The following ZNRF3 variants were observed in gnomAD, a reference collection of about 807,000 sequenced individuals.
ZNRF3 encodes E3 ubiquitin-protein ligase ZNRF3.
In ZNRF3, 23 loss-of-function variants were observed where a neutral mutation model predicts 72.5. The observed-to-expected ratio is 0.32, with a 90% confidence interval of 0.23 to 0.45. The LOEUF (loss-of-function observed/expected upper bound fraction) is 0.45, where lower values mean the gene tolerates loss of function less well. Ranked by LOEUF, ZNRF3 falls within the 20% of genes least tolerant of loss-of-function variation. The pLI is 1.00. For missense variants in ZNRF3, 1,169 were observed against 1,272.1 expected (o/e 0.92, Z 1.23); for synonymous variants, 610 against 545.3 (o/e 1.12, Z -1.65).
At chr22:28,890,981 T>C (rs2033876224) in intron 1 of ZNRF3, among the ~76,000 whole-genome samples, 1 of 152,178 alleles carries the variant, frequency 6.6e-6, no homozygotes, top group South Asian at 2.1e-4. Flanking sequence ...GGTCTTGCAC[T>C]CCTGGCCTCA....
intron 2 of ZNRF3, among the ~76,000 whole-genome samples, chr22:29,012,390 G>C (rs2036361941): frequency 6.6e-6 from 1 of 152,204 alleles, no homozygotes; most frequent in Non-Finnish European, 1.5e-5. Context: ...CATACGTGGA[G>C]AACCTGCCCA....
At chr22:29,018,853 T>G (rs114031212) in intron 2 of ZNRF3, among the ~76,000 whole-genome samples, 1,677 of 152,062 alleles carry the variant, frequency 0.011, 40 homozygotes, top group African/African-American at 0.039. Context: ...AAACTGCCCT[T>G]AAAACATAGC....
rs1375815075 is a variant in ZNRF3 at position 29,050,013 on chromosome 22, G to C, written c.1832G>C (p.Gly611Ala). The C allele has an allele frequency of 1.2e-6, 2 of 1,611,554 alleles. No individual in the cohort carries two copies. Among genetic ancestry groups the C allele is most frequent in the East Asian group, 4.5e-5 (2 of 44,846 alleles). The stretch of plus-strand genomic sequence containing the variant: ...AGCCCCTGTCGTGCCAGTGAGGCGG[G>C]GGGCTCGGGCAGCTCGGGCCGGGGA... ...SRSPCRASEA[G>A]GSGSSGRGPA... Residue 611 changes from glycine (G) to alanine (A), a missense_variant, in exon 8 of 9, where the codon GGG (glycine) becomes GCG (alanine). Around this residue, in one of 2 missense-constraint regions of ZNRF3, gnomAD observed 783 missense variants for 731.4 expected, o/e 1.07. Coordinates refer to ENST00000544604, the MANE Select transcript of ZNRF3 (RefSeq NM_001206998.2).
At position 29,049,398 on chromosome 22, in the gene ZNRF3, G is replaced by A. The variant is rs1440914289; in HGVS notation, c.1217G>A (p.Ser406Asn). The change falls in exon 8 of 9, where the codon AGC becomes AAC. Residue 406 changes from serine (S) to asparagine (N), a missense_variant. Coordinates refer to ENST00000544604, the MANE Select transcript of ZNRF3 (RefSeq NM_001206998.2). The surrounding 1 kb of genome is among the most constrained non-coding windows in gnomAD (Gnocchi z 5.2). ...LLTMDRHGEQ[S>N]LYSPQTPAYI... is the part of the protein sequence containing the mutation. The stretch of plus-strand genomic sequence containing the variant: ...ACCATGGACCGGCACGGGGAGCAGA[G>A]CCTCTATTCCCCGCAGACCCCCGCC... The A allele has an allele frequency of 6.2e-7, 1 of 1,611,134 alleles. No individual in the cohort carries two copies. Among genetic ancestry groups the A allele is most frequent in the Non-Finnish European group, 8.5e-7 (1 of 1,179,796 alleles).
intron 1 of ZNRF3, among the ~76,000 whole-genome samples, chr22:28,900,874 G>C (rs1253387014): frequency 2.0e-5 from 3 of 152,272 alleles, no homozygotes; most frequent in Admixed American, 6.5e-5. Context: ...AGGAGGCTGA[G>C]GTGGGATGAT....
intron 2 of ZNRF3, among the ~76,000 whole-genome samples, chr22:29,000,063 C>G (rs116577575): frequency 0.025 from 3,877 of 152,338 alleles, 75 homozygotes; most frequent in African/African-American, 0.059. Flanking sequence ...ATCAGGCTCT[C>G]TGGTCTGAGT....
chr22:29,040,713 C>T (rs574854188), intron 2 of ZNRF3, among the ~76,000 whole-genome samples: 2 of 152,328 alleles, frequency 1.3e-5, no homozygotes, highest in South Asian at 4.1e-4. Flanking sequence ...GGGTCCCCTG[C>T]AAGACAAAGA....
intron 2 of ZNRF3, among the ~76,000 whole-genome samples, chr22:29,007,062 C>A (rs8137499): frequency 0.56 from 85,768 of 152,034 alleles, 24,540 homozygotes; most frequent in African/African-American, 0.65. Context: ...ACAGTATCCC[C>A]GGAGAGAATT....
At position 29,048,526 on chromosome 22, in the gene ZNRF3, T is replaced by G. The variant is rs773148102; in HGVS notation, c.1015+35T>G. Reference sequence around the variant, plus strand: ...ACCCGCCTTAGCCATTGCTGAAGAGTCAAGTGCCTAGCTAGAGTGTGACAC... The same window carrying G: ...ACCCGCCTTAGCCATTGCTGAAGAGGCAAGTGCCTAGCTAGAGTGTGACAC... On this transcript the variant is annotated intron_variant, in intron 7 of 8. Coordinates refer to ENST00000544604, the MANE Select transcript of ZNRF3 (RefSeq NM_001206998.2). The surrounding 1 kb of genome is among the most constrained non-coding windows in gnomAD (Gnocchi z 4.9). 6.3e-7 allele frequency: 1 copy of G among 1,598,518 alleles called. No homozygotes were observed.
chr22:28,897,586 C>T (rs1207381351), intron 1 of ZNRF3, among the ~76,000 whole-genome samples: 1 of 152,260 alleles, frequency 6.6e-6, no homozygotes, highest in Non-Finnish European at 1.5e-5. Context: ...TCCCAAAGTG[C>T]TGGGATTACT....
At position 29,053,752 on chromosome 22, in the gene ZNRF3, T is replaced by G; in HGVS notation, c.*130T>G. ...ACAAAAGTGGTAATAAAGAGAGCCC[T>G]CCTTGTCAACCCAAAATGTGAGCCC... On this transcript the variant is annotated 3_prime_UTR_variant, in exon 9 of 9. Coordinates refer to ENST00000544604, the MANE Select transcript of ZNRF3 (RefSeq NM_001206998.2). 1.1e-6 allele frequency: 1 copy of G among 919,126 alleles called. No homozygotes were observed. Among genetic ancestry groups the G allele is most frequent in the Non-Finnish European group, 1.6e-6 (1 of 621,928 alleles). 56.9% of individuals were successfully genotyped at this position (919,126 alleles called of 1,614,324 possible).
chr22:28,951,395 T>C (rs1401762259), intron 1 of ZNRF3, among the ~76,000 whole-genome samples: 3 of 152,206 alleles, frequency 2.0e-5, no homozygotes, highest in Admixed American at 6.5e-5. Flanking sequence ...TCTGGACATA[T>C]GCACACACAC....
intron 2 of ZNRF3, among the ~76,000 whole-genome samples, chr22:28,989,584 G>A (rs904675424): frequency 6.6e-6 from 1 of 152,186 alleles, no homozygotes; most frequent in Non-Finnish European, 1.5e-5. Context: ...GAAGAAGCAG[G>A]CAGTGGACAG....
At chr22:28,976,227 C>G (rs930149160) in intron 1 of ZNRF3, among the ~76,000 whole-genome samples, 3 of 152,196 alleles carry the variant, frequency 2.0e-5, no homozygotes, top group African/African-American at 7.2e-5. Flanking sequence ...TGCACTCCAG[C>G]ATGGGCAACA....
chr22:28,933,752 A>ACTCTCTCTCTCT (rs372627987), intron 1 of ZNRF3, among the ~76,000 whole-genome samples: 2 of 40,842 alleles, frequency 4.9e-5, no homozygotes, highest in East Asian at 1.0e-3. Context: ...ACACACACTC[A>ACTCTCTCTCTCT]CTCTCTCTCT....
At chr22:29,020,958 G>A (rs2036528290) in intron 2 of ZNRF3, among the ~76,000 whole-genome samples, 1 of 151,972 alleles carries the variant, frequency 6.6e-6, no homozygotes, top group East Asian at 1.9e-4. Flanking sequence ...CACCACGCCT[G>A]GCTGATTTTT....
chr22:28,977,827 C>T (rs1296698518), intron 1 of ZNRF3, among the ~76,000 whole-genome samples: 2 of 152,190 alleles, frequency 1.3e-5, no homozygotes, highest in Non-Finnish European at 2.9e-5. Flanking sequence ...CAGTTTTGCC[C>T]TTTCAGACAT....
intron 2 of ZNRF3, chr22:29,031,640 T>G (rs565113071): frequency 1.0e-6 from 1 of 985,280 alleles, no homozygotes; most frequent in East Asian, 1.1e-4. Flanking sequence ...GAGTAAGGAT[T>G]TAAAATCCAC....
chr22:28,883,890 G>A lies in ZNRF3; in HGVS notation c.124G>A (p.Gly42Arg). ...GCCGCCGCCGCTGCCGCTGCTGCTC[G>A]GGCTGCTGCTGGCGGCCGCGGGGCC... ...PPPPPLPLLL[G>R]LLLAAAGPGA... is the part of the protein sequence containing the mutation. Residue 42 changes from glycine (G) to arginine (R), a missense_variant, in exon 1 of 9, where the codon GGG (glycine) becomes AGG (arginine). Physicochemically the swap from Gly to Arg is moderately radical, Grantham distance 125 (BLOSUM62 -2). Transcript: ENST00000544604. This position sits in a 1 kb window ranked among gnomAD's most constrained non-coding sequence, Gnocchi z 5.5. 9.2e-7 allele frequency: 1 copy of A among 1,086,374 alleles called. No individual in the cohort carries two copies. Among genetic ancestry groups the A allele is most frequent in the South Asian group, 2.9e-5 (1 of 34,170 alleles). 67.3% of individuals were successfully genotyped at this position (1,086,374 alleles called of 1,614,324 possible). A position where few individuals can be genotyped will look rare whatever the true frequency, so the allele number is the denominator to read the frequency against.
Sources: allele counts gnomAD v4.1 joint callset (sites outside exome capture counted in the v4.1 genomes callset), GRCh38; gene constraint gnomAD v4.1.1; regional missense constraint gnomAD v4.1.1; non-coding constraint Gnocchi (gnomAD v3.1); transcripts MANE v1.5; gene names NCBI Gene and HGNC (gene_info 2026-07-23, HGNC 2026-07-21).